Variants in CECR2 observed in about 807,000 individuals in gnomAD.
CECR2 encodes CECR2 histone acetyl-lysine reader, also known as chromatin remodeling regulator CECR2.
A neutral mutation model predicts 154.5 loss-of-function variants in CECR2; 30 were observed. That is an observed-to-expected ratio of 0.19 (90% CI 0.15 to 0.26). The LOEUF is 0.26. Ranked by LOEUF, CECR2 falls within the 10% of genes least tolerant of loss-of-function variation. The pLI is 1.00. For missense variants in CECR2, 1,743 were observed against 1,829.3 expected, an observed-to-expected ratio of 0.95 and a Z score of 0.86; for synonymous variants, 725 against 683.7, an observed-to-expected ratio of 1.06 and a Z score of -0.94.
chr22:17,397,931 C>T (rs2146525776), intron 1 of CECR2, among the ~76,000 whole-genome samples: 1 of 152,284 alleles, frequency 6.6e-6, no homozygotes, highest in Non-Finnish European at 1.5e-5. Context: ...TTGGGAAATT[C>T]TGTACCATGT....
chr22:17,551,731 G>A (rs924854633), intron 17 of CECR2, among the ~76,000 whole-genome samples: 1 of 151,594 alleles, frequency 6.6e-6, no homozygotes, highest in Non-Finnish European at 1.5e-5. Context: ...CCAGAAGATT[G>A]AGGCTGCAGT....
At position 17,556,734 on chromosome 22, in the gene CECR2, G is replaced by A. The variant is rs174348; in HGVS notation, c.*3894G>A. 0.53 allele frequency: 81,032 copies of A among 152,064 alleles called. 22,266 individuals carry two copies. Among genetic ancestry groups the A allele is most frequent in the East Asian group, 0.62 (3,182 of 5,168 alleles). The allele number at this position is 152,064 out of a possible 1,614,324, so 9.4% of individuals were successfully genotyped here. On this transcript the variant is annotated 3_prime_UTR_variant, in exon 19 of 19. Coordinates refer to ENST00000262608, the MANE Select transcript of CECR2 (RefSeq NM_001290047.2). The stretch of plus-strand genomic sequence containing the variant: ...TTGGTTTTCATAGAAAGGAAAGGCT[G>A]AAGGTTTTCTAGCATTGTTGCCCTT...
intron 1 of CECR2, among the ~76,000 whole-genome samples, chr22:17,441,042 G>A (rs1390608889): frequency 6.6e-6 from 1 of 152,028 alleles, no homozygotes. Context: ...ACCACAACCC[G>A]GGTTCAAGTG....
At chr22:17,490,147 T>TTGTGTG (rs66788556) in intron 2 of CECR2, among the ~76,000 whole-genome samples, 6,013 of 149,734 alleles carry the variant, frequency 0.04, 145 homozygotes, top group African/African-American at 0.051. Flanking sequence ...TGTTTTTTTT[T>TTGTGTG]TGTGTGTGTG....
At chr22:17,536,350 C>T (rs958119380) in intron 9 of CECR2, among the ~76,000 whole-genome samples, 6 of 152,220 alleles carry the variant, frequency 3.9e-5, no homozygotes, top group Admixed American at 3.3e-4. Context: ...TTTCTCCTTG[C>T]CTCTTTTCTT....
At chr22:17,451,860 AAAAGAG>A (rs2054776552) in intron 1 of CECR2, among the ~76,000 whole-genome samples, 1 of 152,230 alleles carries the variant, frequency 6.6e-6, no homozygotes, top group Admixed American at 6.5e-5. Context: ...ACTTCAAAGA[AAAAGAG>A]TAAGATAAAT....
At chr22:17,478,020 C>T (rs1456406734) in intron 2 of CECR2, among the ~76,000 whole-genome samples, 1 of 152,066 alleles carries the variant, frequency 6.6e-6, no homozygotes, top group Non-Finnish European at 1.5e-5. Context: ...GAAATCAAAA[C>T]TAGTTTTTAT....
chr22:17,528,299 C>T (rs901351961), intron 9 of CECR2, among the ~76,000 whole-genome samples: 1 of 152,024 alleles, frequency 6.6e-6, no homozygotes. Context: ...TGAAATAAGA[C>T]AGGCACAGAA....
At chr22:17,394,847 T>G (rs1429473601) in intron 1 of CECR2, among the ~76,000 whole-genome samples, 1 of 152,200 alleles carries the variant, frequency 6.6e-6, no homozygotes, top group East Asian at 1.9e-4. Context: ...CAAGTATAGG[T>G]TTTTTTGCTG....
chr22:17,427,875 C>A (rs2518742), intron 1 of CECR2, among the ~76,000 whole-genome samples: 85,975 of 151,910 alleles, frequency 0.57, 25,955 homozygotes, highest in African/African-American at 0.79. Flanking sequence ...CAGTATTTCT[C>A]GTTCTAGATC....
chr22:17,550,262 C>T (rs1447379548), intron 17 of CECR2: 1 of 176,736 alleles, frequency 5.7e-6, no homozygotes, highest in East Asian at 1.8e-4. Context: ...ATTCTCCTGC[C>T]TCATCCTCCC....
intron 1 of CECR2, among the ~76,000 whole-genome samples, chr22:17,417,784 A>C (rs1338490431): frequency 6.6e-6 from 1 of 151,932 alleles, no homozygotes; most frequent in African/African-American, 2.4e-5. Context: ...ATGCCCGGCT[A>C]ATTTTTTTGT....
chr22:17,517,518 T>C (rs1404301796), intron 8 of CECR2, among the ~76,000 whole-genome samples: 1 of 152,204 alleles, frequency 6.6e-6, no homozygotes. Context: ...ACACAATAAA[T>C]GCAAAGGCAT....
At chr22:17,477,042 A>G in intron 1 of CECR2, 5 of 702,606 alleles carry the variant, frequency 7.1e-6, no homozygotes, top group Non-Finnish European at 1.3e-5. Flanking sequence ...ATCACCTTTC[A>G]TCAGCCATGT....
intron 16 of CECR2, among the ~76,000 whole-genome samples, chr22:17,544,776 C>G (rs1450890951): frequency 1.4e-5 from 2 of 139,610 alleles, no homozygotes; most frequent in Non-Finnish European, 3.0e-5. Context: ...CACCACTGCA[C>G]TCCAGCCTGG....
rs56004524 is a variant in CECR2, at chr22:17,491,582, T to TG, written c.222-5814dup. On this transcript the variant is annotated intron_variant, in intron 2 of 18. Transcript: ENST00000262608. ...GCTTCTTATTCTGTGTGTGTGTGTG[T>TG]GGGGGGGTGGGTGTTTAGCAGTCGT... is the stretch of plus-strand genomic sequence containing the variant. Among the ~76,000 whole-genome samples the TG allele has an allele frequency of 1.2e-3, 120 of 103,260 alleles. 3 individuals carry two copies. The highest frequency in any genetic ancestry group is 3.7e-3 in the African/African-American group (118 of 31,546). 67.7% of individuals were successfully genotyped at this position (103,260 alleles called of 152,430 possible).
chr22:17,513,452 G>A (rs1431524148), intron 8 of CECR2, among the ~76,000 whole-genome samples: 6 of 152,160 alleles, frequency 3.9e-5, no homozygotes. Context: ...CAGAGATCTT[G>A]TCAGTAACTA....
chr22:17,404,361 G>GTTTTTT (rs2053945581), intron 1 of CECR2, among the ~76,000 whole-genome samples: 1 of 74,806 alleles, frequency 1.3e-5, no homozygotes, highest in African/African-American at 6.2e-5. Flanking sequence ...TCTGGACCCT[G>GTTTTTT]TTCTTTCTTT....
chr22:17,361,745 A>AT (rs899798747), intron 1 of CECR2, among the ~76,000 whole-genome samples: 2 of 149,168 alleles, frequency 1.3e-5, no homozygotes, highest in African/African-American at 2.6e-5. Context: ...TCTATCTCAA[A>AT]TTAAAAAAAA....
Sources: allele counts gnomAD v4.1 joint callset (sites outside exome capture counted in the v4.1 genomes callset), GRCh38; gene constraint gnomAD v4.1.1; transcripts MANE v1.5; gene names NCBI Gene and HGNC (gene_info 2026-07-23, HGNC 2026-07-21).